Variants in LIMK2 observed in about 807,000 individuals in gnomAD.
The protein encoded by LIMK2 is LIM domain kinase 2.
LIMK2 carries 35 observed loss-of-function variants against 75.7 expected under a neutral mutation model. The ratio of observed to expected loss-of-function variants is 0.46; its 90% CI spans 0.35 to 0.61. The LOEUF (loss-of-function observed/expected upper bound fraction) is 0.61, where lower values mean the gene tolerates loss of function less well. LIMK2 is among the 20% of genes least tolerant of loss of function. LIMK2 has a pLI of 0.00. For synonymous variants in LIMK2, 301 were observed against 319.2 expected (o/e 0.94, Z 0.61); for missense variants, 623 against 831.0 (o/e 0.75, Z 3.08).
chr22:31,271,222 C>G (rs1204833752), intron 12 of LIMK2, 21 bp downstream of exon 12: 1 of 1,609,498 alleles, frequency 6.2e-7, no homozygotes, highest in East Asian at 2.2e-5. Context: ...CTGCTCTGGG[C>G]CTGGCCTCCA....
At chr22:31,270,027 A>C (rs571035205) in intron 11 of LIMK2, among the ~76,000 whole-genome samples, 3 of 151,598 alleles carry the variant, frequency 2.0e-5, no homozygotes, top group Non-Finnish European at 4.4e-5. Flanking sequence ...CATTTGGGGG[A>C]TGGGGGATAG....
intron 1 of LIMK2, among the ~76,000 whole-genome samples, chr22:31,222,254 G>A (rs2048440538): frequency 6.6e-6 from 1 of 150,590 alleles, no homozygotes; most frequent in African/African-American, 2.4e-5. Context: ...ATTTTTGGTA[G>A]AGATGTGGTT....
intron 15 of LIMK2, among the ~76,000 whole-genome samples, chr22:31,276,513 G>A (rs1412752661): frequency 2.1e-5 from 3 of 144,556 alleles, no homozygotes; most frequent in Non-Finnish European, 4.6e-5. Context: ...CGGCGGGGAG[G>A]GGGCGGGGCG....
intron 1 of LIMK2, 68 bp downstream of exon 1, chr22:31,212,492 A>C (rs2048355230): frequency 1.5e-6 from 2 of 1,304,762 alleles, no homozygotes; most frequent in Admixed American, 3.1e-5. Flanking sequence ...CGCCTGAGGG[A>C]AACCGGCTGT....
At chr22:31,243,940 A>G (rs757382445) in intron 2 of LIMK2, among the ~76,000 whole-genome samples, 27 of 152,202 alleles carry the variant, frequency 1.8e-4, no homozygotes, top group Non-Finnish European at 2.9e-4. Context: ...CAATCCTTCA[A>G]AGGTTCCTCC....
At chr22:31,214,746 A>G (rs2048375968) in intron 1 of LIMK2, among the ~76,000 whole-genome samples, 1 of 152,192 alleles carries the variant, frequency 6.6e-6, no homozygotes, top group South Asian at 2.1e-4. Context: ...GTAGGAAGGC[A>G]TGTAGTGCCT....
chr22:31,254,761 C>A (rs1259037828), intron 2 of LIMK2, among the ~76,000 whole-genome samples: 1 of 152,116 alleles, frequency 6.6e-6, no homozygotes, highest in East Asian at 1.9e-4. Context: ...GAGTTCGAGA[C>A]CAGCCTCACC....
intron 2 of LIMK2, 97 bp downstream of exon 2, chr22:31,225,916 G>A (rs2048473613): frequency 2.1e-6 from 2 of 931,442 alleles, no homozygotes; most frequent in Admixed American, 2.1e-5. Context: ...TCTGAGTTGA[G>A]AATTTCAATC....
At chr22:31,244,601 TAGAG>T (rs772091060) in intron 2 of LIMK2, among the ~76,000 whole-genome samples, 5 of 152,060 alleles carry the variant, frequency 3.3e-5, no homozygotes, top group African/African-American at 4.8e-5. Flanking sequence ...CCAAGGAAAA[TAGAG>T]AGCCCTCTGC....
At chr22:31,257,074 T>TTTTTTG (rs1568995462) in intron 2 of LIMK2, among the ~76,000 whole-genome samples, 1 of 83,354 alleles carries the variant, frequency 1.2e-5, no homozygotes, top group African/African-American at 4.3e-5. Flanking sequence ...TTTTTTTTTT[T>TTTTTTG]AGAGACGGGG....
At chr22:31,236,815 G>T (rs569079207) in intron 2 of LIMK2, among the ~76,000 whole-genome samples, 1 of 151,620 alleles carries the variant, frequency 6.6e-6, no homozygotes, top group African/African-American at 2.4e-5. Flanking sequence ...TCACTTGGAG[G>T]CTGAGGCACG....
intron 11 of LIMK2, among the ~76,000 whole-genome samples, chr22:31,269,735 C>T (rs1023333165): frequency 1.3e-5 from 2 of 150,838 alleles, no homozygotes; most frequent in African/African-American, 4.9e-5. Flanking sequence ...GATCACACCA[C>T]TGCATTCCAG....
intron 11 of LIMK2, among the ~76,000 whole-genome samples, chr22:31,269,146 C>T (rs2048928642): frequency 6.6e-6 from 1 of 151,786 alleles, no homozygotes. Context: ...TGCTCTGTTG[C>T]CCAGACTGGA....
intron 10 of LIMK2, 75 bp downstream of exon 10, chr22:31,267,982 C>CTTAAA (rs1487633255): frequency 6.4e-7 from 1 of 1,567,218 alleles, no homozygotes; most frequent in African/African-American, 1.4e-5. Context: ...ACCCTAGGAG[C>CTTAAA]TTAAAGGGCA....
At chr22:31,227,054 T>C (rs1406279013) in intron 2 of LIMK2, among the ~76,000 whole-genome samples, 5 of 152,268 alleles carry the variant, frequency 3.3e-5, no homozygotes, top group Non-Finnish European at 7.3e-5. Flanking sequence ...TGAAATAATA[T>C]ATGCAGTGTA....
At chr22:31,226,459 TCC>T (rs2048479303) in intron 2 of LIMK2, among the ~76,000 whole-genome samples, 1 of 25,828 alleles carries the variant, frequency 3.9e-5, no homozygotes, top group Admixed American at 3.6e-4. Flanking sequence ...CACCTCGACC[TCC>T]CAAAGTGCTG....
At chr22:31,232,232 T>G (rs561340521) in intron 2 of LIMK2, among the ~76,000 whole-genome samples, 1 of 149,398 alleles carries the variant, frequency 6.7e-6, no homozygotes, top group Non-Finnish European at 1.5e-5. Flanking sequence ...GAGAGTCTGC[T>G]TTCCACTAGG....
At chr22:31,273,022 C>T (rs1389047261) in intron 13 of LIMK2, 3 of 1,151,242 alleles carry the variant, frequency 2.6e-6, no homozygotes, top group East Asian at 9.5e-5. Context: ...GTGTGGTGCC[C>T]TCTGGTGGAT....
At position 31,275,196 on chromosome 22, in the gene LIMK2, C is replaced by G. The variant is rs765588748; in HGVS notation, c.1660C>G (p.Leu554Val). ...YADPDCLPRT[L>V]DFGLNVKLFW... ...AGATCCTGACTGCCTTCCCCGAACA[C>G]TGGACTTTGGCCTCAACGTGAAGCT... The change falls in exon 15 of 16, where the codon CTG (leucine) becomes GTG (valine). Residue 554 changes from leucine (L) to valine (V), a missense_variant. By Grantham distance (32) the Leu-to-Val change is conservative (BLOSUM62 1). Coordinates refer to ENST00000331728, the MANE Select transcript of LIMK2 (RefSeq NM_005569.4). The G allele has an allele frequency of 3.4e-5, 55 of 1,614,086 alleles. No homozygotes were observed. The Middle Eastern group carries it at 4.9e-4, about 14-fold the overall frequency.
Sources: gnomAD v4.1 joint callset for allele counts (sites outside exome capture counted in the v4.1 genomes callset) on GRCh38, gnomAD v4.1.1 for gene constraint, MANE v1.5 for transcripts, NCBI Gene and HGNC (gene_info 2026-07-23, HGNC 2026-07-21) for gene names.